Variants in CAPRIN2 observed in about 807,000 individuals in gnomAD.
CAPRIN2 encodes the protein caprin-2.
A neutral mutation model predicts 130.4 loss-of-function variants in CAPRIN2; 66 were observed. The observed-to-expected ratio is 0.51, with a 90% CI of 0.42 to 0.62. The LOEUF is 0.62. Among genes scored for constraint, CAPRIN2 ranks in the 20% least tolerant of loss-of-function variants. CAPRIN2 has a pLI of 0.00. For missense variants in CAPRIN2, 1,185 were observed against 1,246.6 expected (o/e 0.95, Z 0.74); for synonymous variants, 471 against 444.1 (o/e 1.06, Z -0.76).
intron 14 of CAPRIN2, among the ~76,000 whole-genome samples, 182 bp from the exon 17 acceptor site, chr12:30,714,067 C>T (rs999486464): frequency 4.6e-5 from 7 of 152,118 alleles, no homozygotes; most frequent in African/African-American, 1.4e-4. Context: ...TAGAACATTG[C>T]TGTCTTCAAA....
rs1217886107 is a variant in CAPRIN2 at position 30,733,841 on chromosome 12, G to A, written c.810-130C>T. On this transcript the variant is annotated intron_variant, in intron 4 of 16. Transcript: ENST00000298892. ...TGTTAATTTTGTCTTTTTGCTCTTTGGAAATAAAAAAATTGAAATGTATAC... is the reference window on the plus strand; with the variant it reads ...TGTTAATTTTGTCTTTTTGCTCTTTAGAAATAAAAAAATTGAAATGTATAC... 4.6e-6 allele frequency: 3 copies of A among 651,236 alleles called. No homozygotes were observed. In the African/African-American group the frequency reaches 5.5e-5, roughly 12 times the overall value. The allele number at this position is 651,236 out of a possible 1,614,324, so 40.3% of individuals were successfully genotyped here. A position where few individuals can be genotyped will look rare whatever the true frequency, so the allele number is the denominator to read the frequency against.
chr12:30,710,572 T>C lies in CAPRIN2; in HGVS notation c.2666-102A>G, dbSNP rs925294191. The C allele has an allele frequency of 4.2e-5, 65 of 1,538,420 alleles. No homozygotes were observed. The highest frequency in any genetic ancestry group is 8.0e-5 in the Admixed American group (4 of 50,114). ...CTGAAACAGACAAAGATACATTTTATAGTAAATTCCAAAACAAAAGCAATA... is the reference window on the plus strand; with the variant it reads ...CTGAAACAGACAAAGATACATTTTACAGTAAATTCCAAAACAAAAGCAATA... On this transcript the variant is annotated intron_variant, in intron 16 of 16. Transcript: ENST00000298892. This position sits in a 1 kb window ranked among gnomAD's most constrained non-coding sequence, Gnocchi z 4.8.
chr12:30,752,075 C>T (rs191075741), intron 1 of CAPRIN2, among the ~76,000 whole-genome samples: 2 of 151,800 alleles, frequency 1.3e-5, no homozygotes, highest in African/African-American at 2.4e-5. Context: ...CCCCCCACCA[C>T]GCCTGGCTAA....
intron 14 of CAPRIN2, 68 bp from the exon 17 acceptor site, chr12:30,713,953 C>A (rs1276927945): frequency 3.3e-6 from 3 of 917,134 alleles, no homozygotes; most frequent in South Asian, 1.6e-5. Flanking sequence ...CAGTCTAATT[C>A]TATATTGCTT....
intron 2 of CAPRIN2, 37 bp downstream of exon 3, chr12:30,751,034 A>C (rs1468527891): frequency 1.3e-6 from 2 of 1,496,334 alleles, no homozygotes; most frequent in Non-Finnish European, 1.9e-6. Flanking sequence ...AGAAAAGAAA[A>C]CCAGCAAGTC....
chr12:30,745,062 C>T (rs771575873), intron 2 of CAPRIN2, among the ~76,000 whole-genome samples: 3 of 152,152 alleles, frequency 2.0e-5, no homozygotes, highest in Non-Finnish European at 2.9e-5. Context: ...GCCTTGACTA[C>T]GCCGATAGCA....
At chr12:30,715,325 ATAT>A in intron 13 of CAPRIN2, 184 bp from the exon 16 acceptor site, 2 of 657,380 alleles carry the variant, frequency 3.0e-6, no homozygotes, top group South Asian at 3.4e-5. Flanking sequence ...ATATAATGGA[ATAT>A]TATTCAGCCT....
intron 3 of CAPRIN2, among the ~76,000 whole-genome samples, chr12:30,739,174 C>T (rs1342700891): frequency 6.6e-6 from 1 of 152,114 alleles, no homozygotes; most frequent in East Asian, 1.9e-4. Flanking sequence ...CAATGATAGA[C>T]CAGATAAAGA....
chr12:30,752,697 T>C (rs572764320), intron 1 of CAPRIN2, among the ~76,000 whole-genome samples: 1 of 152,024 alleles, frequency 6.6e-6, no homozygotes, highest in Non-Finnish European at 1.5e-5. Flanking sequence ...TAGGTCCAGA[T>C]AGTCACTCAA....
exon 8 of CAPRIN2, chr12:30,729,242 T>C: frequency 6.2e-7 from 1 of 1,611,858 alleles, no homozygotes; most frequent in Admixed American, 1.7e-5. Context: ...GATTTGGTTT[T>C]CTAGCATAAT....
chr12:30,752,932 T>C (rs1394325916), intron 1 of CAPRIN2, among the ~76,000 whole-genome samples: 1 of 151,902 alleles, frequency 6.6e-6, no homozygotes, highest in Non-Finnish European at 1.5e-5. Context: ...GGTAAAACAT[T>C]TTCTAGTTCT....
At chr12:30,714,580 T>C (rs1220160758) in intron 14 of CAPRIN2, among the ~76,000 whole-genome samples, 4 of 142,952 alleles carry the variant, frequency 2.8e-5, no homozygotes, top group African/African-American at 7.8e-5. Flanking sequence ...TCAAATTCTA[T>C]ATTCTTCTTT....
chr12:30,733,327 C>T (rs1174570039), intron 5 of CAPRIN2, among the ~76,000 whole-genome samples: 1 of 152,144 alleles, frequency 6.6e-6, no homozygotes. Context: ...TACTACCACA[C>T]AGAATAGAAA....
intron 3 of CAPRIN2, among the ~76,000 whole-genome samples, chr12:30,739,602 C>T (rs2066446968): frequency 6.6e-6 from 1 of 151,894 alleles, no homozygotes; most frequent in Admixed American, 6.6e-5. Flanking sequence ...GTAATCCCAG[C>T]TACTTGGGAG....
exon 1 of CAPRIN2, chr12:30,753,681 G>A (rs1374182043): frequency 6.2e-7 from 1 of 1,614,142 alleles, no homozygotes; most frequent in Non-Finnish European, 8.5e-7. Context: ...AACTTCCCTG[G>A]AAAGTCTAGA....
In CAPRIN2 at chr12:30,753,649, T is replaced by G. The variant is rs760717855; in HGVS notation, c.115A>C (p.Ser39Arg). 35 of 1,614,050 alleles carry G rather than the reference T, an allele frequency of 2.2e-5. No homozygotes were observed. In the Admixed American group the frequency reaches 5.8e-4, roughly 27 times the overall value. Reference sequence around the variant, plus strand: ...GGAAAGTTAAGTATAAAATTAGGACTAGAGGGACACAGCCAGGCAATAACT... The same window carrying G: ...GGAAAGTTAAGTATAAAATTAGGACGAGAGGGACACAGCCAGGCAATAACT... Residue 39 changes from serine to arginine, a missense_variant, in exon 1 of 17, where the codon AGT (serine) becomes CGT (arginine). Physicochemically the swap from Ser to Arg is moderately radical, Grantham distance 110. Coordinates refer to ENST00000298892, the Ensembl canonical transcript of CAPRIN2.
rs927693066 is a variant in CAPRIN2 at position 30,749,342 on chromosome 12, G to A, written c.483+1729C>T. ...TTTTACCACCAGAGGGGAACAAATG[G>A]GGACTTCTGAGCAGAGGAATAACCA... On this transcript the variant is annotated intron_variant, in intron 2 of 16. Transcript: ENST00000298892. 3.9e-5 allele frequency among the ~76,000 whole-genome samples: 6 copies of A among 152,278 alleles called. No individual in the cohort carries two copies. In the South Asian group the frequency reaches 1.2e-3, roughly 32 times the overall value.
chr12:30,726,092 C>G lies in CAPRIN2; in HGVS notation c.1783-4G>C. The G allele has an allele frequency of 6.6e-7, 1 of 1,509,144 alleles. No individual in the cohort carries two copies. The highest frequency in any genetic ancestry group is 1.4e-5 in the South Asian group (1 of 73,332). The allele number at this position is 1,509,144 out of a possible 1,614,324, so 93.5% of individuals were successfully genotyped here. Reference sequence around the variant, plus strand: ...GCTGATGCACAGGCTTAGGCACCTACAAGATAAACCCATAATGTGTAAGAG... The same window carrying G: ...GCTGATGCACAGGCTTAGGCACCTAGAAGATAAACCCATAATGTGTAAGAG... On this transcript the variant is annotated splice_region_variant and splice_polypyrimidine_tract_variant and intron_variant, in intron 8 of 16. Transcript: ENST00000298892.
At chr12:30,738,308 A>C (rs1334273295) in intron 3 of CAPRIN2, among the ~76,000 whole-genome samples, 1 of 150,860 alleles carries the variant, frequency 6.6e-6, no homozygotes, top group Non-Finnish European at 1.5e-5. Flanking sequence ...GCAGCAAAGA[A>C]AAAAAAAAAC....
Sources: allele counts gnomAD v4.1 joint callset (sites outside exome capture counted in the v4.1 genomes callset), GRCh38; gene constraint gnomAD v4.1.1; non-coding constraint Gnocchi (gnomAD v3.1); transcripts MANE v1.5; gene names NCBI Gene and HGNC (gene_info 2026-07-23, HGNC 2026-07-21).